PBX1: variants seen among roughly 807,000 people sequenced by gnomAD.
The protein encoded by PBX1 is pre-B-cell leukemia transcription factor 1.
In PBX1, 6 loss-of-function variants were observed where a neutral mutation model predicts 53.4. The observed-to-expected ratio is 0.11, with a 90% CI of 0.06 to 0.22. The LOEUF (loss-of-function observed/expected upper bound fraction) is 0.22, where lower values mean the gene tolerates loss of function less well. Ranked by LOEUF, PBX1 falls within the 10% of genes least tolerant of loss-of-function variation. The pLI is 1.00. For missense variants in PBX1, 251 were observed against 551.4 expected (o/e 0.46, Z 5.46); for synonymous variants, 204 against 212.3 (o/e 0.96, Z 0.34).
chr1:164,819,191 G>GCAGTGGAAC (rs1670021628), intron 6 of PBX1: 1 of 152,110 alleles, frequency 6.6e-6, no homozygotes. Context: ...TAGGTTCACC[G>GCAGTGGAAC]CAGTGGAACC....
chr1:164,691,506 C>T (rs572303544), intron 2 of PBX1, among the ~76,000 whole-genome samples: 1 of 152,256 alleles, frequency 6.6e-6, no homozygotes, highest in African/African-American at 2.4e-5. Context: ...CCAGCTCTAT[C>T]ACTTCCAGTT....
At chr1:164,687,561 TAAAAAA>T (rs5778407) in intron 2 of PBX1, among the ~76,000 whole-genome samples, 4 of 110,490 alleles carry the variant, frequency 3.6e-5, no homozygotes, top group Non-Finnish European at 7.0e-5. Context: ...AGACCTTGTC[TAAAAAA>T]AAAAAAAAAA....
chr1:164,787,148 ACT>A, intron 2 of PBX1, among the ~76,000 whole-genome samples: 1 of 152,058 alleles, frequency 6.6e-6, no homozygotes, highest in East Asian at 1.9e-4. Flanking sequence ...GCAATAGAAC[ACT>A]CTGCATGGAG....
At chr1:164,885,690 G>GTACACA (rs1672761565) in intron 2 of PBX1, among the ~76,000 whole-genome samples, 1 of 151,982 alleles carries the variant, frequency 6.6e-6, no homozygotes, top group African/African-American at 2.4e-5. Context: ...CCTACCTCAG[G>GTACACA]GTCTTTGCCC....
chr1:164,812,218 A>C, intron 6 of PBX1, 69 bp downstream of exon 6: 1 of 1,400,412 alleles, frequency 7.1e-7, no homozygotes, highest in South Asian at 1.4e-5. Context: ...CTGTTCCTAC[A>C]TTGGGATTTT....
intron 4 of PBX1, among the ~76,000 whole-genome samples, chr1:164,801,280 G>C (rs559754535): frequency 6.6e-6 from 1 of 152,250 alleles, no homozygotes; most frequent in South Asian, 2.1e-4. Context: ...CCTGCTGTCT[G>C]CCAGGCTTCT....
chr1:164,632,509 A>G (rs75297762), intron 2 of PBX1, among the ~76,000 whole-genome samples: 12,964 of 152,192 alleles, frequency 0.085, 581 homozygotes, highest in Middle Eastern at 0.11. Flanking sequence ...TGAAAAGCCA[A>G]CATCAATAAC....
intron 2 of PBX1, among the ~76,000 whole-genome samples, chr1:164,704,952 G>GT (rs980470058): frequency 6.6e-6 from 1 of 152,128 alleles, no homozygotes; most frequent in African/African-American, 2.4e-5. Context: ...AGGAGTTCTT[G>GT]TTTTCCCCAA....
Position 164,846,927 on chromosome 1 carries a change from G to T in PBX1, c.*251G>T, listed in dbSNP as rs111327965. 1 of 1,360,694 alleles carries T rather than the reference G, an allele frequency of 7.3e-7. No individual in the cohort carries two copies. The highest frequency in any genetic ancestry group is 1.5e-5 in the African/African-American group (1 of 68,716). 84.3% of individuals were successfully genotyped at this position (1,360,694 alleles called of 1,614,324 possible). A position where few individuals can be genotyped will look rare whatever the true frequency, so the allele number is the denominator to read the frequency against. On this transcript the variant is annotated 3_prime_UTR_variant, in exon 9 of 9. Coordinates refer to ENST00000420696, the MANE Select transcript of PBX1 (RefSeq NM_002585.4). ...GCCTCCAGCTGTCAGCCTGGTTTTC[G>T]TCATCTTCCCTGCCCCTGTGCCTCT...
chr1:164,880,979 C>T (rs925493138), intron 2 of PBX1, among the ~76,000 whole-genome samples: 25 of 152,336 alleles, frequency 1.6e-4, no homozygotes, highest in South Asian at 1.2e-3. Context: ...TGACTAGGAG[C>T]GGGACCTAGT....
At chr1:164,623,785 G>A (rs936775764) in intron 2 of PBX1, among the ~76,000 whole-genome samples, 7 of 152,296 alleles carry the variant, frequency 4.6e-5, no homozygotes, top group African/African-American at 1.4e-4. Context: ...CGTGCCTAAC[G>A]ACGTCGCCTC....
intron 2 of PBX1, among the ~76,000 whole-genome samples, chr1:164,733,342 C>T (rs1665098668): frequency 1.3e-5 from 2 of 152,128 alleles, no homozygotes; most frequent in Admixed American, 1.3e-4. Flanking sequence ...CAATGGGTCC[C>T]TCCTGCTTGA....
At chr1:164,614,397 A>T (rs954233252) in intron 2 of PBX1, among the ~76,000 whole-genome samples, 1 of 151,666 alleles carries the variant, frequency 6.6e-6, no homozygotes, top group African/African-American at 2.4e-5. Context: ...TTTCTGGTTC[A>T]CTCCATCAGG....
At chr1:164,806,959 G>T (rs1025111177) in intron 4 of PBX1, among the ~76,000 whole-genome samples, 1 of 152,154 alleles carries the variant, frequency 6.6e-6, no homozygotes, top group Non-Finnish European at 1.5e-5. Context: ...ATTGACCGAG[G>T]ATTCAAAACC....
chr1:164,713,072 A>G (rs1221017137), intron 2 of PBX1, among the ~76,000 whole-genome samples: 1 of 152,166 alleles, frequency 6.6e-6, no homozygotes, highest in Non-Finnish European at 1.5e-5. Context: ...GTCTCCTTAC[A>G]TTGATTGAGG....
chr1:164,727,678 G>A (rs1016850102), intron 2 of PBX1, among the ~76,000 whole-genome samples: 2 of 152,172 alleles, frequency 1.3e-5, no homozygotes, highest in Admixed American at 6.5e-5. Context: ...GGGAAGTGGC[G>A]GCCACTGCCA....
intron 2 of PBX1, chr1:164,769,859 C>T (rs1271206043): frequency 6.6e-6 from 1 of 152,110 alleles, no homozygotes; most frequent in Non-Finnish European, 1.5e-5. Context: ...AGTTACCTAC[C>T]TTTTGACTCC....
intron 2 of PBX1, among the ~76,000 whole-genome samples, chr1:164,882,229 A>G (rs1003341913): frequency 6.6e-6 from 1 of 152,034 alleles, no homozygotes; most frequent in Non-Finnish European, 1.5e-5. Context: ...CTCTAACTCT[A>G]TGCTGCCTAA....
chr1:164,869,464 G>A (rs145205523), intron 2 of PBX1, among the ~76,000 whole-genome samples: 25 of 152,270 alleles, frequency 1.6e-4, no homozygotes, highest in African/African-American at 4.6e-4. Flanking sequence ...ATTGGTTCAC[G>A]TGTCCCTGAA....
Sources: allele counts gnomAD v4.1 joint callset (sites outside exome capture counted in the v4.1 genomes callset), GRCh38; gene constraint gnomAD v4.1.1; transcripts MANE v1.5; gene names NCBI Gene and HGNC (gene_info 2026-07-23, HGNC 2026-07-21).